PDE10A: variants seen among roughly 807,000 people sequenced by gnomAD.
The protein encoded by PDE10A is cAMP and cAMP-inhibited cGMP 3',5'-cyclic phosphodiesterase 10A.
In PDE10A, 39 loss-of-function variants were observed where a neutral mutation model predicts 97.7. The observed-to-expected ratio is 0.40, with a 90% CI of 0.31 to 0.52. PDE10A has a LOEUF of 0.52. Among genes scored for constraint, PDE10A ranks in the 20% least tolerant of loss-of-function variants. The pLI is 0.56. For synonymous variants in PDE10A, 371 were observed against 376.8 expected, an observed-to-expected ratio of 0.98 and a Z score of 0.18; for missense variants, 731 against 1,047.8, an observed-to-expected ratio of 0.70 and a Z score of 4.17.
At chr6:165,795,116 G>A (rs747264318) in intron 1 of PDE10A, among the ~76,000 whole-genome samples, 1 of 152,178 alleles carries the variant, frequency 6.6e-6, no homozygotes, top group African/African-American at 2.4e-5. Flanking sequence ...AATGGCTCCT[G>A]TCATCTTCAG....
intron 18 of PDE10A, among the ~76,000 whole-genome samples, chr6:165,359,787 T>A (rs1783267845): frequency 7.0e-6 from 1 of 142,352 alleles, no homozygotes; most frequent in Non-Finnish European, 1.6e-5. Context: ...ATATGTAACA[T>A]CTGTCACATA....
chr6:165,414,282 C>T (rs1788145159), intron 12 of PDE10A, among the ~76,000 whole-genome samples: 1 of 152,136 alleles, frequency 6.6e-6, no homozygotes, highest in Admixed American at 6.5e-5. Context: ...GACATTAGTG[C>T]TTATAAATGC....
intron 1 of PDE10A, among the ~76,000 whole-genome samples, chr6:165,602,685 C>A (rs62426699): frequency 6.6e-6 from 1 of 152,034 alleles, no homozygotes; most frequent in Non-Finnish European, 1.5e-5. Flanking sequence ...ACAGGGCACC[C>A]ATATGATAAA....
At chr6:165,387,604 C>T (rs970519922) in intron 17 of PDE10A, among the ~76,000 whole-genome samples, 6 of 152,188 alleles carry the variant, frequency 3.9e-5, no homozygotes, top group African/African-American at 1.4e-4. Flanking sequence ...TTCCCTTAGA[C>T]ACATCATTGG....
chr6:165,351,494 T>C (rs2128186732), intron 18 of PDE10A, among the ~76,000 whole-genome samples: 1 of 152,330 alleles, frequency 6.6e-6, no homozygotes, highest in African/African-American at 2.4e-5. Context: ...TATGACCACA[T>C]GATACAACCT....
chr6:165,652,807 A>T (rs948706520), intron 1 of PDE10A, among the ~76,000 whole-genome samples: 11 of 152,238 alleles, frequency 7.2e-5, no homozygotes, highest in Admixed American at 6.5e-5. Context: ...AGCCCTTCAT[A>T]AGCAACACTT....
intron 1 of PDE10A, among the ~76,000 whole-genome samples, chr6:165,733,997 G>T (rs898417387): frequency 6.6e-6 from 1 of 152,130 alleles, no homozygotes; most frequent in African/African-American, 2.4e-5. Flanking sequence ...AATGGCATTT[G>T]CTTCATGTGT....
At chr6:165,538,319 AT>A (rs142715391) in intron 2 of PDE10A, among the ~76,000 whole-genome samples, 1,876 of 152,194 alleles carry the variant, frequency 0.012, 45 homozygotes, top group African/African-American at 0.043. Flanking sequence ...TTCATTACTA[AT>A]TATTTGAATT....
intron 1 of PDE10A, among the ~76,000 whole-genome samples, chr6:165,546,512 T>C (rs188676563): frequency 8.5e-5 from 13 of 152,120 alleles, no homozygotes; most frequent in Admixed American, 7.2e-4. Context: ...ATATAAAACG[T>C]ATAAAACAAC....
chr6:165,625,404 G>A (rs1788336035), intron 1 of PDE10A, among the ~76,000 whole-genome samples: 1 of 152,234 alleles, frequency 6.6e-6, no homozygotes, highest in Non-Finnish European at 1.5e-5. Context: ...TAAGAGTGGA[G>A]CCAAGAATGA....
chr6:165,639,314 T>A (rs1055359339), intron 1 of PDE10A, among the ~76,000 whole-genome samples: 4 of 152,180 alleles, frequency 2.6e-5, no homozygotes, highest in Non-Finnish European at 4.4e-5. Context: ...AGAAACCTTG[T>A]TTTTCAGCTT....
intron 2 of PDE10A, among the ~76,000 whole-genome samples, chr6:165,541,733 GCTTT>G (rs1394135191): frequency 6.6e-6 from 1 of 152,148 alleles, no homozygotes; most frequent in Non-Finnish European, 1.5e-5. Context: ...GCTATGTCAA[GCTTT>G]CTTTAAGGTT....
At chr6:165,969,080 T>C (rs1784596907) in intron 1 of PDE10A, among the ~76,000 whole-genome samples, 2 of 152,226 alleles carry the variant, frequency 1.3e-5, no homozygotes, top group African/African-American at 2.4e-5. Context: ...TCTGGAAGCA[T>C]TTGACAATGC....
At chr6:165,723,865 T>A (rs907476971) in intron 1 of PDE10A, among the ~76,000 whole-genome samples, 1 of 152,120 alleles carries the variant, frequency 6.6e-6, no homozygotes, top group South Asian at 2.1e-4. Flanking sequence ...TTTTTTAATT[T>A]TCCCTTGGGG....
chr6:165,875,732 T>A (rs1216043649), intron 1 of PDE10A, among the ~76,000 whole-genome samples: 1 of 67,642 alleles, frequency 1.5e-5, no homozygotes, highest in Non-Finnish European at 2.7e-5. Flanking sequence ...TCTTTTACTG[T>A]TTTTTTTTTT....
intron 1 of PDE10A, among the ~76,000 whole-genome samples, chr6:165,573,166 A>G (rs989557734): frequency 7.2e-5 from 11 of 152,058 alleles, no homozygotes; most frequent in Non-Finnish European, 1.6e-4. Context: ...ATTCTTTAGG[A>G]CTTCATAAGG....
At position 165,640,646 on chromosome 6, in the gene PDE10A, C is replaced by T. The variant is rs916106472; in HGVS notation, c.865+21301G>A. Among the ~76,000 whole-genome samples the T allele has an allele frequency of 8.5e-5, 13 of 152,266 alleles. No homozygotes were observed. The East Asian group carries it at 2.1e-3, about 25-fold the overall frequency. Reference sequence around the variant, plus strand: ...TTCTAAACCTTCCTGTTCAGAAACGCGGAAACCACAACATATTCCTATCTG... The same window carrying T: ...TTCTAAACCTTCCTGTTCAGAAACGTGGAAACCACAACATATTCCTATCTG... On this transcript the variant is annotated intron_variant, in intron 1 of 21. Coordinates refer to ENST00000539869, the MANE Select transcript of PDE10A (RefSeq NM_001385079.1).
intron 3 of PDE10A, among the ~76,000 whole-genome samples, chr6:165,455,966 C>T (rs769081080): frequency 2.6e-5 from 4 of 152,184 alleles, no homozygotes; most frequent in Non-Finnish European, 5.9e-5. Context: ...ATCATGAACA[C>T]TTGAAATTCT....
rs146536702 is a variant in PDE10A at position 165,329,118 on chromosome 6, A to G, written c.*3907T>C. 6.6e-6 allele frequency: 1 copy of G among 152,380 alleles called. No homozygotes were observed. Among genetic ancestry groups the G allele is most frequent in the East Asian group, 1.9e-4 (1 of 5,192 alleles). 9.4% of individuals were successfully genotyped at this position (152,380 alleles called of 1,614,324 possible). On this transcript the variant is annotated 3_prime_UTR_variant, in exon 22 of 22. Transcript: ENST00000539869. ...TAAATAAAATCTGCAAAGTGTAGAA[A>G]GCAAACATATGTTCGAAATATGTAA...
Sources: gnomAD v4.1 joint callset for allele counts (sites outside exome capture counted in the v4.1 genomes callset) on GRCh38, gnomAD v4.1.1 for gene constraint, MANE v1.5 for transcripts, NCBI Gene and HGNC (gene_info 2026-07-23, HGNC 2026-07-21) for gene names.